Variants in LRIF1 observed in about 807,000 individuals in gnomAD.
LRIF1 encodes ligand-dependent nuclear receptor-interacting factor 1.
LRIF1 carries 32 observed loss-of-function variants against 52.7 expected under a neutral mutation model. The observed-to-expected ratio is 0.61, with a 90% CI of 0.46 to 0.82. The LOEUF (loss-of-function observed/expected upper bound fraction) is 0.82. Ranked by LOEUF, LRIF1 falls within the 40% of genes least tolerant of loss-of-function variation. The pLI, the probability that LRIF1 is intolerant of heterozygous loss-of-function variation, is 0.00. For missense variants in LRIF1, 887 were observed against 892.0 expected (o/e 0.99, Z 0.07); for synonymous variants, 323 against 317.4 (o/e 1.02, Z -0.19).
At chr1:110,895,972 A>C in the LRIF1 span, among the ~76,000 whole-genome samples, 1 of 152,196 alleles carries the variant, frequency 6.6e-6, no homozygotes, top group Non-Finnish European at 1.5e-5. Flanking sequence ...TCTATAATTA[A>C]ATTTCCCTAA....
In LRIF1 at chr1:110,951,693, C is replaced by T; in HGVS notation, c.1191G>A (p.Gln397=). ...CTGTGACTGGACTTGAACTCACTGT[C>T]TGTAACGTGTCTTTTCTTACTGGAG... ...PDTPVRKDTL[Q]TVSSSPVTEI... Residue 397 remains glutamine (Q), a synonymous_variant, in exon 2 of 4, where the codon CAG becomes CAA. Coordinates refer to ENST00000369763, the MANE Select transcript of LRIF1 (RefSeq NM_018372.4). 2 of 1,613,990 alleles carry T rather than the reference C, an allele frequency of 1.2e-6. No individual in the cohort carries two copies. The highest frequency in any genetic ancestry group is 1.7e-6 in the Non-Finnish European group (2 of 1,180,000).
At chr1:110,930,052 T>C in the LRIF1 span, among the ~76,000 whole-genome samples, 2 of 152,216 alleles carry the variant, frequency 1.3e-5, no homozygotes. Flanking sequence ...TGGTGCGATA[T>C]TATTAACTAA....
the LRIF1 span, among the ~76,000 whole-genome samples, chr1:110,917,138 C>T: frequency 6.6e-6 from 1 of 152,306 alleles, no homozygotes; most frequent in South Asian, 2.1e-4. Context: ...ACTCCTGAGC[C>T]AGAGTTATGT....
chr1:110,885,606 T>C, the LRIF1 span, among the ~76,000 whole-genome samples: 1 of 151,944 alleles, frequency 6.6e-6, no homozygotes, highest in Non-Finnish European at 1.5e-5. Context: ...CTCAAGCCTG[T>C]AATCCCAACA....
At chr1:110,953,424 C>A (rs1404913944) in intron 1 of LRIF1, among the ~76,000 whole-genome samples, 1 of 152,164 alleles carries the variant, frequency 6.6e-6, no homozygotes, top group African/African-American at 2.4e-5. Flanking sequence ...AGGTTTAGTG[C>A]TACATAGTCT....
chr1:110,938,708 G>C, the LRIF1 span: 8 of 152,210 alleles, frequency 5.3e-5, no homozygotes, highest in Admixed American at 5.2e-4. Context: ...GTTCTAGCTA[G>C]AGAAGTCAGC....
At chr1:110,900,545 T>C in the LRIF1 span, among the ~76,000 whole-genome samples, 1 of 152,054 alleles carries the variant, frequency 6.6e-6, no homozygotes, top group African/African-American at 2.4e-5. Context: ...TTGTGTGTTT[T>C]TAGTAGAGAT....
chr1:110,905,595 G>C, the LRIF1 span, among the ~76,000 whole-genome samples: 1 of 152,006 alleles, frequency 6.6e-6, no homozygotes, highest in Admixed American at 6.6e-5. Context: ...AAAGCTGAGG[G>C]ATTTCATCAA....
the LRIF1 span, among the ~76,000 whole-genome samples, chr1:110,875,999 G>C: frequency 6.6e-6 from 1 of 152,278 alleles, no homozygotes; most frequent in South Asian, 2.1e-4. Flanking sequence ...TCATAGCTCT[G>C]ACCAAGAATT....
the LRIF1 span, among the ~76,000 whole-genome samples, chr1:110,923,551 A>G: frequency 6.6e-6 from 1 of 152,216 alleles, no homozygotes; most frequent in Admixed American, 6.5e-5. Context: ...GTAGAAATCA[A>G]TAACAAAAAG....
intron 3 of LRIF1, among the ~76,000 whole-genome samples, chr1:110,949,126 AT>A (rs958499743): frequency 2.0e-5 from 3 of 148,984 alleles, no homozygotes; most frequent in Non-Finnish European, 1.5e-5. Flanking sequence ...TATATATATA[AT>A]TTTTTTTTTG....
At chr1:110,913,735 A>G in the LRIF1 span, among the ~76,000 whole-genome samples, 1 of 152,366 alleles carries the variant, frequency 6.6e-6, no homozygotes, top group South Asian at 2.1e-4. Flanking sequence ...CAGTTTACAG[A>G]CTTCTCAAAA....
the LRIF1 span, among the ~76,000 whole-genome samples, chr1:110,905,225 G>T: frequency 6.6e-6 from 1 of 151,974 alleles, no homozygotes; most frequent in Admixed American, 6.6e-5. Flanking sequence ...TTATTCAAGG[G>T]GATAATATCA....
At chr1:110,909,112 A>G in the LRIF1 span, among the ~76,000 whole-genome samples, 10 of 152,316 alleles carry the variant, frequency 6.6e-5, no homozygotes, top group African/African-American at 2.4e-4. Context: ...AGAACTTCGT[A>G]TCTAGCCAAA....
intron 1 of LRIF1, among the ~76,000 whole-genome samples, chr1:110,962,604 G>A (rs1570952605): frequency 2.0e-5 from 3 of 152,054 alleles, no homozygotes; most frequent in East Asian, 1.9e-4. Flanking sequence ...TTTCCTACAC[G>A]ACGTATTTTA....
chr1:110,948,587 T>G (rs1465597293), intron 3 of LRIF1, among the ~76,000 whole-genome samples, 188 bp from the exon 4 acceptor site: 1 of 152,198 alleles, frequency 6.6e-6, no homozygotes, highest in African/African-American at 2.4e-5. Flanking sequence ...CTTAATCATA[T>G]TCAGTAAGAA....
chr1:110,906,907 T>G, the LRIF1 span, among the ~76,000 whole-genome samples: 2 of 152,228 alleles, frequency 1.3e-5, no homozygotes, highest in Non-Finnish European at 2.9e-5. Flanking sequence ...GAGAACTTAC[T>G]TTAAAAATAT....
chr1:110,923,840 A>G, the LRIF1 span, among the ~76,000 whole-genome samples: 2 of 152,188 alleles, frequency 1.3e-5, no homozygotes, highest in Admixed American at 6.5e-5. Context: ...TAAAAACAGA[A>G]TGGCAAAAAT....
the LRIF1 span, among the ~76,000 whole-genome samples, chr1:110,893,835 G>T: frequency 1.3e-5 from 2 of 152,188 alleles, no homozygotes; most frequent in East Asian, 3.8e-4. Flanking sequence ...TAGCATAAAA[G>T]GAGTAAGCAT....
Sources: gnomAD v4.1 joint callset for allele counts (sites outside exome capture counted in the v4.1 genomes callset) on GRCh38, gnomAD v4.1.1 for gene constraint, MANE v1.5 for transcripts, NCBI Gene and HGNC (gene_info 2026-07-23, HGNC 2026-07-21) for gene names.